CPEB1: variants seen among roughly 807,000 people sequenced by gnomAD.
CPEB1 encodes the protein cytoplasmic polyadenylation element-binding protein 1.
Under a neutral mutation model 65.8 loss-of-function variants are expected in CPEB1, and 7 were observed. The ratio of observed to expected loss-of-function variants is 0.11; its 90% CI spans 0.06 to 0.20. CPEB1 has a LOEUF of 0.20. Ranked by LOEUF, CPEB1 falls within the 10% of genes least tolerant of loss-of-function variation. CPEB1 has a pLI of 1.00. For missense variants in CPEB1, 551 were observed against 712.2 expected, an observed-to-expected ratio of 0.77 and a Z score of 2.58; for synonymous variants, 262 against 260.0, an observed-to-expected ratio of 1.01 and a Z score of -0.08.
intron 3 of CPEB1, among the ~76,000 whole-genome samples, chr15:82,618,448 C>G (rs918095036): frequency 6.6e-6 from 1 of 152,112 alleles, no homozygotes; most frequent in Non-Finnish European, 1.5e-5. Flanking sequence ...TCAGCAAAAT[C>G]AGACTTCCTG....
In CPEB1 at chr15:82,628,389, G is replaced by A. The variant is rs1259301173; in HGVS notation, c.71C>T (p.Ser24Leu). 7.1e-6 allele frequency: 5 copies of A among 702,700 alleles called. No homozygotes were observed. In the Admixed American group the frequency reaches 1.0e-4, roughly 14 times the overall value. 43.5% of individuals were successfully genotyped at this position (702,700 alleles called of 1,614,324 possible). A position where few individuals can be genotyped will look rare whatever the true frequency, so the allele number is the denominator to read the frequency against. Residue 24 changes from serine (S) to leucine (L), a missense_variant, in exon 2 of 13, where the codon TCA becomes TTA. Coordinates refer to ENST00000684509, the MANE Select transcript of CPEB1 (RefSeq NM_001365242.1). ...CAGAGGAATTAGCAGAAGACAATCT[G>A]ATAGAGATGAGTGCTCCAAACCAGT... Reference protein sequence around the residue: ...SGTGLEHSSLSDCLLLIPLEE... With the variant: ...SGTGLEHSSLLDCLLLIPLEE...
At chr15:82,568,052 T>A (rs952537268) in intron 4 of CPEB1, among the ~76,000 whole-genome samples, 1 of 152,142 alleles carries the variant, frequency 6.6e-6, no homozygotes, top group African/African-American at 2.4e-5. Flanking sequence ...TTAAGTTTTC[T>A]CACCCAATAT....
intron 12 of CPEB1, 45 bp from the exon 13 acceptor site, chr15:82,544,747 A>T: frequency 5.0e-6 from 7 of 1,409,138 alleles, no homozygotes; most frequent in Non-Finnish European, 7.0e-6. Context: ...CTGTGTCAGC[A>T]CCAGACACAG....
intron 1 of CPEB1, among the ~76,000 whole-genome samples, chr15:82,646,476 G>A (rs1450894839): frequency 6.6e-6 from 1 of 152,094 alleles, no homozygotes; most frequent in Non-Finnish European, 1.5e-5. Context: ...GAGAGACGCG[G>A]CCTCCTCCCA....
At position 82,577,511 on chromosome 15, in the gene CPEB1, G is replaced by GCT. The variant is rs201827743; in HGVS notation, c.272-5980_272-5979insAG. Among the ~76,000 whole-genome samples the GCT allele has an allele frequency of 9.2e-3, 1,406 of 152,202 alleles. 19 individuals are homozygous for GCT. The highest frequency in any genetic ancestry group is 0.032 in the African/African-American group (1,346 of 41,546). ...CAGACATAGTAGTAATCTCAAATCT[G>GCT]TTTTTATTTTTTGAGATGGATTTTT... On this transcript the variant is annotated intron_variant, in intron 3 of 12. Coordinates refer to ENST00000684509, the MANE Select transcript of CPEB1 (RefSeq NM_001365242.1).
intron 3 of CPEB1, among the ~76,000 whole-genome samples, chr15:82,617,150 A>G (rs1199910089): frequency 6.6e-6 from 1 of 152,206 alleles, no homozygotes; most frequent in Non-Finnish European, 1.5e-5. Context: ...TTCTGTGCCA[A>G]CAGAATTATG....
At chr15:82,626,817 G>A (rs2045815382) in intron 3 of CPEB1, among the ~76,000 whole-genome samples, 1 of 152,238 alleles carries the variant, frequency 6.6e-6, no homozygotes, top group East Asian at 1.9e-4. Context: ...CATATTAAAT[G>A]TTGTCATATT....
chr15:82,571,356 T>C lies in CPEB1; in HGVS notation c.448A>G (p.Ser150Gly). The change falls in exon 4 of 13, where the codon AGC (serine) becomes GGC (glycine). Residue 150 changes from serine (S) to glycine (G), a missense_variant. By Grantham distance (56) the Ser-to-Gly change is moderately conservative (BLOSUM62 0). Transcript: ENST00000684509. The stretch of plus-strand genomic sequence containing the variant: ...CTCTGGCACTCACCCGAGTGTGTGC[T>C]GCTCTGGGCTGAGGAATCTGAGTCC... ...TQDSDSSAQS[S>G]THSVLSMLHN... 2 of 1,613,276 alleles carry C rather than the reference T, an allele frequency of 1.2e-6. No homozygotes were observed. Among genetic ancestry groups the C allele is most frequent in the Non-Finnish European group, 1.7e-6 (2 of 1,179,692 alleles).
intron 3 of CPEB1, chr15:82,571,755 G>T: frequency 7.4e-7 from 1 of 1,354,952 alleles, no homozygotes; most frequent in Non-Finnish European, 9.5e-7. Flanking sequence ...TATCCCGTCT[G>T]CATTACAGAC....
chr15:82,648,151 G>T (rs932156779), upstream of CPEB1: 2 of 345,518 alleles, frequency 5.8e-6, no homozygotes, highest in African/African-American at 4.3e-5. Flanking sequence ...ACCCGGCGGG[G>T]ACTGCCGCCG....
intron 3 of CPEB1, chr15:82,572,912 C>A: frequency 1.1e-6 from 1 of 929,834 alleles, no homozygotes; most frequent in Non-Finnish European, 1.5e-6. Flanking sequence ...CATCTCCTCC[C>A]ACATCGGTCC....
chr15:82,628,376 C>T lies in CPEB1; in HGVS notation c.84G>A (p.Leu28=). ...LEHSSLSDCL[L]LIPLEEEAGR... ...AGAGTTAACATACCAGAGGAATTAG[C>T]AGAAGACAATCTGATAGAGATGAGT... The change falls in exon 2 of 13, where the codon CTG becomes CTA. Residue 28 remains leucine, a synonymous_variant. Transcript: ENST00000684509. The T allele has an allele frequency of 1.4e-6, 1 of 702,728 alleles. No homozygotes were observed. Among genetic ancestry groups the T allele is most frequent in the Non-Finnish European group, 2.6e-6 (1 of 384,882 alleles). 43.5% of individuals were successfully genotyped at this position (702,728 alleles called of 1,614,324 possible).
At chr15:82,628,804 T>A (rs1315205476) in intron 1 of CPEB1, 1 of 208,878 alleles carries the variant, frequency 4.8e-6, no homozygotes, top group African/African-American at 2.3e-5. Flanking sequence ...TCACTTCCAC[T>A]TAATGAACAG....
rs1466648830 is a variant in CPEB1, at chr15:82,625,960, A to T, written c.271+1233T>A. ...ATGGCGAAACCCCATCTCTACTAAAAATACAAAAAATTAGCCAGGTGTGGT... is the reference window on the plus strand; with the variant it reads ...ATGGCGAAACCCCATCTCTACTAAATATACAAAAAATTAGCCAGGTGTGGT... On this transcript the variant is annotated intron_variant, in intron 3 of 12. Transcript: ENST00000684509. Among the ~76,000 whole-genome samples the T allele has an allele frequency of 5.3e-5, 8 of 151,924 alleles. No individual in the cohort carries two copies. The East Asian group carries it at 1.5e-3, about 29-fold the overall frequency.
chr15:82,634,989 G>C (rs1366852896), intron 1 of CPEB1, among the ~76,000 whole-genome samples: 1 of 152,160 alleles, frequency 6.6e-6, no homozygotes, highest in South Asian at 2.1e-4. Flanking sequence ...GAGTAGCTGG[G>C]ACTACAGGCA....
intron 3 of CPEB1, among the ~76,000 whole-genome samples, chr15:82,619,858 T>C (rs1168582367): frequency 6.6e-6 from 1 of 151,120 alleles, no homozygotes; most frequent in African/African-American, 2.4e-5. Flanking sequence ...TGAGAAAAAC[T>C]GGCAGCATCT....
chr15:82,575,465 T>TA, intron 3 of CPEB1, among the ~76,000 whole-genome samples: 1 of 152,284 alleles, frequency 6.6e-6, no homozygotes, highest in East Asian at 1.9e-4. Context: ...AGAAAGTTGA[T>TA]AAGCTGACCT....
chr15:82,616,157 G>A (rs2151272926), intron 3 of CPEB1, among the ~76,000 whole-genome samples: 1 of 152,070 alleles, frequency 6.6e-6, no homozygotes, highest in Non-Finnish European at 1.5e-5. Flanking sequence ...TCAGGAGGCG[G>A]CATGAGGGGT....
chr15:82,618,095 A>T (rs1031940304), intron 3 of CPEB1, among the ~76,000 whole-genome samples: 2 of 145,214 alleles, frequency 1.4e-5, no homozygotes, highest in Non-Finnish European at 3.0e-5. Flanking sequence ...TAAGCTTATT[A>T]AAAAAAAAAA....
Sources: gnomAD v4.1 joint callset for allele counts (sites outside exome capture counted in the v4.1 genomes callset) on GRCh38, gnomAD v4.1.1 for gene constraint, MANE v1.5 for transcripts, NCBI Gene and HGNC (gene_info 2026-07-23, HGNC 2026-07-21) for gene names.